The following CCDC15 variants were observed in gnomAD, a reference collection of about 807,000 sequenced individuals.
The protein encoded by CCDC15 is coiled-coil domain containing 15.
CCDC15 carries 105 observed loss-of-function variants against 114.5 expected under a neutral mutation model. The observed-to-expected ratio is 0.92, with a 90% CI of 0.78 to 1.08. The LOEUF (loss-of-function observed/expected upper bound fraction) is 1.08. Ranked by LOEUF, CCDC15 falls within the 50% of genes least tolerant of loss-of-function variation. The pLI is 0.00. For synonymous variants in CCDC15, 334 were observed against 377.8 expected (o/e 0.88, Z 1.34); for missense variants, 1,105 against 1,093.6 (o/e 1.01, Z -0.15).
intron 6 of CCDC15, 96 bp from the exon 7 acceptor site, chr11:124,986,646 T>C: frequency 7.7e-7 from 1 of 1,297,182 alleles, no homozygotes; most frequent in East Asian, 2.6e-5. Context: ...CATTGTTTCT[T>C]CCTATAATAG....
In CCDC15 at chr11:125,005,171, A is replaced by T; in HGVS notation, c.2370A>T (p.Lys790Asn). The T allele has an allele frequency of 6.4e-7, 1 of 1,574,092 alleles. No homozygotes were observed. The highest frequency in any genetic ancestry group is 8.7e-7 in the Non-Finnish European group (1 of 1,154,308). ...LFMDIEREQV[K>N]EQQRQKEQKK... ...TGGATATTGAGAGAGAACAAGTTAA[A>T]GAACAACAAAGGCAAAAAGAACAAA... The change falls in exon 13 of 16, where the codon AAA (lysine) becomes AAT (asparagine). Residue 790 changes from lysine to asparagine, a missense_variant. Coordinates refer to ENST00000344762, the MANE Select transcript of CCDC15 (RefSeq NM_025004.3).
chr11:125,002,806 T>C (rs999375657), intron 11 of CCDC15, among the ~76,000 whole-genome samples: 2 of 152,212 alleles, frequency 1.3e-5, no homozygotes, highest in South Asian at 4.1e-4. Context: ...TATATCTTTG[T>C]AGTAAGTTTT....
At chr11:125,033,363 C>T (rs73620930) in intron 13 of CCDC15, among the ~76,000 whole-genome samples, 21,803 of 152,106 alleles carry the variant, frequency 0.14, 1,728 homozygotes, top group Non-Finnish European at 0.16. Context: ...GCCCATCTTG[C>T]CTTTGATGGT....
intron 13 of CCDC15, among the ~76,000 whole-genome samples, chr11:125,019,537 C>T (rs1001676319): frequency 1.3e-5 from 2 of 151,962 alleles, no homozygotes; most frequent in Non-Finnish European, 2.9e-5. Context: ...TATCACCTAA[C>T]GTCTTTGAAG....
At chr11:125,005,833 G>T (rs1948547838) in intron 13 of CCDC15, among the ~76,000 whole-genome samples, 1 of 151,974 alleles carries the variant, frequency 6.6e-6, no homozygotes, top group African/African-American at 2.4e-5. Context: ...TTTTTAGATT[G>T]GCTTTTTATA....
At chr11:124,995,301 T>C (rs1189068775) in intron 11 of CCDC15, among the ~76,000 whole-genome samples, 2 of 152,230 alleles carry the variant, frequency 1.3e-5, no homozygotes, top group Non-Finnish European at 2.9e-5. Context: ...TTTTCTGTTT[T>C]TCTCTATCCT....
intron 2 of CCDC15, among the ~76,000 whole-genome samples, chr11:124,958,573 A>G (rs759425429): frequency 4.6e-5 from 7 of 152,172 alleles, no homozygotes; most frequent in Non-Finnish European, 8.8e-5. Flanking sequence ...TTGAATACAT[A>G]TCCTGTCCTC....
rs1257207237 is a variant in CCDC15 at position 124,987,884 on chromosome 11, TTCTACCCAAATG to T, written c.1661_1672del (p.Leu554_Cys557del). The T allele has an allele frequency of 1.1e-5, 18 of 1,613,856 alleles. No individual in the cohort carries two copies. The African/African-American group carries it at 1.2e-4, about 11-fold the overall frequency. Reference sequence around the variant, plus strand: ...CATGTTCTCCCCAAAGACTGGAATATTCTACCCAAATGTCAGGACCAGGATTTTCTACCCAGA... The same window carrying T: ...CATGTTCTCCCCAAAGACTGGAATATTCAGGACCAGGATTTTCTACCCAGA... On this transcript the variant is annotated inframe_deletion, in exon 8 of 16. Transcript: ENST00000344762.
At position 124,986,880 on chromosome 11, in the gene CCDC15, A is replaced by G; in HGVS notation, c.892A>G (p.Arg298Gly). The change falls in exon 7 of 16, where the codon AGA (arginine) becomes GGA (glycine). Residue 298 changes from arginine to glycine, a missense_variant. Arg to Gly is a moderately radical substitution (Grantham distance 125). Coordinates refer to ENST00000344762, the MANE Select transcript of CCDC15 (RefSeq NM_025004.3). ...HSEDKNKPFS[R>G]VQKVKFKNPL... The stretch of plus-strand genomic sequence containing the variant: ...TGAAGATAAGAACAAACCTTTCAGC[A>G]GAGTTCAGGTAAAGCAATAAGAGAA... 1 of 1,551,598 alleles carries G rather than the reference A, an allele frequency of 6.4e-7. No homozygotes were observed. The highest frequency in any genetic ancestry group is 8.7e-7 in the Non-Finnish European group (1 of 1,149,514).
At chr11:125,008,945 G>A (rs192662373) in intron 13 of CCDC15, among the ~76,000 whole-genome samples, 14 of 152,176 alleles carry the variant, frequency 9.2e-5, no homozygotes, top group South Asian at 2.1e-4. Context: ...TGAGCTGGGC[G>A]CGGTGGCTCA....
chr11:124,959,595 G>T (rs910902580), intron 3 of CCDC15, among the ~76,000 whole-genome samples: 2 of 152,108 alleles, frequency 1.3e-5, no homozygotes, highest in African/African-American at 4.8e-5. Context: ...ATAAAATAAG[G>T]ATATGATACT....
At chr11:125,012,110 G>A (rs913630848) in intron 13 of CCDC15, among the ~76,000 whole-genome samples, 7 of 152,310 alleles carry the variant, frequency 4.6e-5, no homozygotes, top group African/African-American at 1.7e-4. Flanking sequence ...CAAAGGTGGG[G>A]AACAGAACTG....
In CCDC15 at chr11:125,008,465, G is replaced by A. The variant is rs193195205; in HGVS notation, c.2411+3253G>A. On this transcript the variant is annotated intron_variant, in intron 13 of 15. Coordinates refer to ENST00000344762, the MANE Select transcript of CCDC15 (RefSeq NM_025004.3). The stretch of plus-strand genomic sequence containing the variant: ...TATGATCATGTCACCAGTGAACAAA[G>A]TTAGTTTTATTTCTTCTTTCCCAGT... Among the ~76,000 whole-genome samples, 3 of 152,296 alleles carry A rather than the reference G, an allele frequency of 2.0e-5. No individual in the cohort carries two copies. In the East Asian group the frequency reaches 5.8e-4, roughly 29 times the overall value.
chr11:124,991,087 T>C (rs1208473094), intron 8 of CCDC15, among the ~76,000 whole-genome samples: 4 of 152,234 alleles, frequency 2.6e-5, no homozygotes, highest in Non-Finnish European at 5.9e-5. Flanking sequence ...GTGTTTGTTC[T>C]TTCATAGAAA....
intron 13 of CCDC15, among the ~76,000 whole-genome samples, chr11:125,026,165 A>G (rs1302222179): frequency 6.6e-6 from 1 of 152,170 alleles, no homozygotes; most frequent in Non-Finnish European, 1.5e-5. Flanking sequence ...TTTGTGGCCT[A>G]GACAGCCTTT....
intron 13 of CCDC15, among the ~76,000 whole-genome samples, chr11:125,025,045 A>AATACATATGAATATATATATGAAT: frequency 9.7e-6 from 1 of 103,160 alleles, no homozygotes; most frequent in Admixed American, 9.8e-5. Flanking sequence ...AATACATATG[A>AATACATATGAATATATATATGAAT]ATATATATGA....
rs771734621 is a variant in CCDC15, at chr11:124,991,518, T to A, written c.1966T>A (p.Phe656Ile). Residue 656 changes from phenylalanine (F) to isoleucine (I), a missense_variant, in exon 9 of 16, where the codon TTT becomes ATT. Physicochemically the swap from Phe to Ile is conservative, Grantham distance 21. Transcript: ENST00000344762. Reference protein sequence around the residue: ...DMTDEKGREDFSLADYQCLPP... With the variant: ...DMTDEKGREDISLADYQCLPP... ...GACAGATGAGAAAGGGAGAGAAGAC[T>A]TTTCTCTGGCAGACTATCAGTGTTT... The A allele has an allele frequency of 1.2e-6, 2 of 1,609,552 alleles. No individual in the cohort carries two copies. The highest frequency in any genetic ancestry group is 2.2e-5 in the South Asian group (2 of 90,592).
chr11:124,997,130 A>G (rs1187923565), intron 11 of CCDC15, among the ~76,000 whole-genome samples: 1 of 152,132 alleles, frequency 6.6e-6, no homozygotes, highest in Non-Finnish European at 1.5e-5. Context: ...TCTCCTATTG[A>G]TGGACATCTG....
Position 125,005,166 on chromosome 11 carries a change from G to A in CCDC15, c.2365G>A (p.Val789Ile). 5 of 1,575,980 alleles carry A rather than the reference G, an allele frequency of 3.2e-6. No individual in the cohort carries two copies. Among genetic ancestry groups the A allele is most frequent in the Non-Finnish European group, 4.3e-6 (5 of 1,156,598 alleles). Residue 789 changes from valine to isoleucine, a missense_variant, in exon 13 of 16, where the codon GTT becomes ATT. Physicochemically the swap from Val to Ile is conservative, Grantham distance 29. Coordinates refer to ENST00000344762, the MANE Select transcript of CCDC15 (RefSeq NM_025004.3). ...RLFMDIEREQ[V>I]KEQQRQKEQK... ...TTTCATGGATATTGAGAGAGAACAA[G>A]TTAAAGAACAACAAAGGCAAAAAGA...
Sources: allele counts gnomAD v4.1 joint callset (sites outside exome capture counted in the v4.1 genomes callset), GRCh38; gene constraint gnomAD v4.1.1; transcripts MANE v1.5; gene names NCBI Gene and HGNC (gene_info 2026-07-23, HGNC 2026-07-21).